CHCT1: variants seen among roughly 807,000 people sequenced by gnomAD.
CHCT1 encodes CHD1 helical C-terminal domain containing protein 1.
the CHCT1 span, chr17:60,421,664 G>T: frequency 1.1e-6 from 1 of 910,964 alleles, no homozygotes; most frequent in Non-Finnish European, 1.3e-6. Flanking sequence ...CGCTGCTGCC[G>T]CGCCAGGGGC....
the CHCT1 span, chr17:60,431,298 C>T: frequency 6.6e-7 from 1 of 1,515,772 alleles, no homozygotes; most frequent in Non-Finnish European, 9.0e-7. Context: ...GCCCGCTTGT[C>T]CTGGCTCTCA....
At chr17:60,424,302 G>T in the CHCT1 span, among the ~76,000 whole-genome samples, 1 of 152,180 alleles carries the variant, frequency 6.6e-6, no homozygotes, top group African/African-American at 2.4e-5. Context: ...GGGATGCAAA[G>T]AAATGGGCCC....
chr17:60,422,410 G>A, the CHCT1 span: 1 of 1,446,342 alleles, frequency 6.9e-7, no homozygotes, highest in Middle Eastern at 2.6e-4. Context: ...CCACCCCTAA[G>A]AATGAGGAAA....
the CHCT1 span, among the ~76,000 whole-genome samples, chr17:60,427,732 T>C: frequency 1.3e-5 from 2 of 152,220 alleles, no homozygotes; most frequent in South Asian, 4.1e-4. Flanking sequence ...TCATGTTGTA[T>C]GGGCTATAGG....
At chr17:60,431,156 C>T in the CHCT1 span, 1 of 1,497,902 alleles carries the variant, frequency 6.7e-7, no homozygotes, top group South Asian at 1.2e-5. Flanking sequence ...GTCATTGGGA[C>T]TGTCTCTGAC....
the CHCT1 span, chr17:60,421,761 T>G: frequency 1.1e-6 from 1 of 877,974 alleles, no homozygotes; most frequent in Non-Finnish European, 1.4e-6. Flanking sequence ...GTTTCCGCCC[T>G]CGGCCTCGGG....
At chr17:60,428,905 A>ATT in the CHCT1 span, among the ~76,000 whole-genome samples, 5 of 125,184 alleles carry the variant, frequency 4.0e-5, no homozygotes, top group Non-Finnish European at 7.1e-5. Flanking sequence ...AAAGGCTCCC[A>ATT]TTTTTTTTTT....
the CHCT1 span, among the ~76,000 whole-genome samples, chr17:60,422,944 T>C: frequency 1.3e-5 from 2 of 152,160 alleles, no homozygotes; most frequent in South Asian, 4.2e-4. Context: ...GAGGAGTTGA[T>C]CAGCCAGAGT....
the CHCT1 span, among the ~76,000 whole-genome samples, chr17:60,430,177 C>T: frequency 1.4e-3 from 173 of 126,446 alleles, no homozygotes; most frequent in Non-Finnish European, 1.6e-3. Context: ...AAAGATGAGG[C>T]TATTATTCAG....
At chr17:60,421,312 A>G in the CHCT1 span, 4 of 939,242 alleles carry the variant, frequency 4.3e-6, no homozygotes, top group East Asian at 3.5e-4. Context: ...AGGACAAGTT[A>G]AAAAGTTTCT....
chr17:60,427,603 G>A, the CHCT1 span, among the ~76,000 whole-genome samples: 274 of 152,148 alleles, frequency 1.8e-3, 4 homozygotes, highest in African/African-American at 6.2e-3. Flanking sequence ...TAGTAGAAAC[G>A]AGGTTTCACT....
the CHCT1 span, among the ~76,000 whole-genome samples, chr17:60,428,371 C>T: frequency 5.3e-5 from 8 of 152,260 alleles, no homozygotes; most frequent in African/African-American, 1.9e-4. Context: ...TCCCTCTCTG[C>T]ATCTGTTTCT....
the CHCT1 span, among the ~76,000 whole-genome samples, chr17:60,430,758 G>A: frequency 6.6e-6 from 1 of 152,370 alleles, no homozygotes; most frequent in East Asian, 1.9e-4. Context: ...TGGGATTACA[G>A]GCGTGAGCCA....
chr17:60,430,122 C>CT, the CHCT1 span, among the ~76,000 whole-genome samples: 670 of 64,266 alleles, frequency 0.01, 26 homozygotes, highest in African/African-American at 0.019. Flanking sequence ...ACGCACCTGG[C>CT]TTTTTTTTTT....
the CHCT1 span, among the ~76,000 whole-genome samples, chr17:60,424,485 G>A: frequency 6.6e-6 from 1 of 152,154 alleles, no homozygotes; most frequent in African/African-American, 2.4e-5. Context: ...AAAAAAAGAG[G>A]GGAAAAATGA....
the CHCT1 span, chr17:60,422,259 G>C: frequency 2.7e-6 from 1 of 370,394 alleles, no homozygotes; most frequent in Non-Finnish European, 4.9e-6. Context: ...GTGGTGTCAG[G>C]ATCAGCATCT....
At chr17:60,429,899 A>C in the CHCT1 span, among the ~76,000 whole-genome samples, 1 of 151,976 alleles carries the variant, frequency 6.6e-6, no homozygotes, top group Admixed American at 6.6e-5. Flanking sequence ...ATCTCGGCTC[A>C]CTGCAACCTC....
chr17:60,427,391 G>A, the CHCT1 span, among the ~76,000 whole-genome samples: 2 of 152,068 alleles, frequency 1.3e-5, no homozygotes, highest in Admixed American at 6.6e-5. Flanking sequence ...GTCTTAGGGA[G>A]AGGTGCTTTC....
At chr17:60,422,293 C>G in the CHCT1 span, 2 of 468,022 alleles carry the variant, frequency 4.3e-6, no homozygotes, top group South Asian at 4.2e-5. Context: ...GGAGAAGGGG[C>G]GCCAGCCTCT....
Sources: gnomAD v4.1 joint callset for allele counts (sites outside exome capture counted in the v4.1 genomes callset) on GRCh38, gnomAD v4.1.1 for gene constraint, MANE v1.5 for transcripts, NCBI Gene and HGNC (gene_info 2026-07-23, HGNC 2026-07-21) for gene names.